Variants in NAV3 observed in about 807,000 individuals in gnomAD.
NAV3 encodes neuron navigator 3.
Under a neutral mutation model 244.7 loss-of-function variants are expected in NAV3, and 87 were observed. That is an observed-to-expected ratio of 0.36 (90% confidence interval 0.30 to 0.42). NAV3 has a LOEUF of 0.42. Ranked by LOEUF, NAV3 falls within the 20% of genes least tolerant of loss-of-function variation. The probability of loss-of-function intolerance (pLI) is 1.00; values close to 1 mark genes in which losing one functional copy is unlikely to be tolerated. For missense variants in NAV3, 2,663 were observed against 2,893.3 expected, an observed-to-expected ratio of 0.92 and a Z score of 1.83; for synonymous variants, 1,126 against 1,042.2, an observed-to-expected ratio of 1.08 and a Z score of -1.55.
At chr12:77,847,751 G>A (rs938584917) in intron 1 of NAV3, among the ~76,000 whole-genome samples, 1 of 152,166 alleles carries the variant, frequency 6.6e-6, no homozygotes, top group Non-Finnish European at 1.5e-5. Flanking sequence ...TTGCAAGAAA[G>A]TCTCTGATGT....
At chr12:77,636,016 T>A (rs148963974) in intron 2 of NAV3, among the ~76,000 whole-genome samples, 76 of 152,310 alleles carry the variant, frequency 5.0e-4, no homozygotes, top group African/African-American at 1.6e-3. Context: ...AGGAATGACT[T>A]AATTGCTTTA....
chr12:77,590,976 G>A (rs2136716916), intron 2 of NAV3, among the ~76,000 whole-genome samples: 1 of 152,318 alleles, frequency 6.6e-6, no homozygotes, highest in East Asian at 1.9e-4. Context: ...AGTACCTGCT[G>A]TGTAAGAATG....
At chr12:78,030,814 T>G (rs17222073) in intron 9 of NAV3, among the ~76,000 whole-genome samples, 30,255 of 152,142 alleles carry the variant, frequency 0.2, 3,197 homozygotes, top group Middle Eastern at 0.27. Flanking sequence ...AGATCAGACA[T>G]GCATATTGTA....
At chr12:77,894,881 A>T (rs1651410682) in intron 1 of NAV3, among the ~76,000 whole-genome samples, 1 of 152,226 alleles carries the variant, frequency 6.6e-6, no homozygotes, top group Non-Finnish European at 1.5e-5. Context: ...CAAGTTTAAA[A>T]AACTGGCTAA....
chr12:77,718,855 C>A (rs1429797396), intron 2 of NAV3, among the ~76,000 whole-genome samples: 1 of 151,928 alleles, frequency 6.6e-6, no homozygotes, highest in Non-Finnish European at 1.5e-5. Context: ...AGGGTTTCTG[C>A]ATGTTGGTCA....
At chr12:77,731,444 G>T (rs563748487) in intron 2 of NAV3, among the ~76,000 whole-genome samples, 1 of 151,882 alleles carries the variant, frequency 6.6e-6, no homozygotes, top group Non-Finnish European at 1.5e-5. Flanking sequence ...TTTATGATAC[G>T]ATATATAACC....
chr12:78,012,127 GA>G (rs1382717314), intron 8 of NAV3, among the ~76,000 whole-genome samples: 1 of 151,960 alleles, frequency 6.6e-6, no homozygotes, highest in Admixed American at 6.6e-5. Flanking sequence ...AAAAGAAATG[GA>G]AATAATTTAG....
intron 2 of NAV3, among the ~76,000 whole-genome samples, chr12:77,772,986 A>C (rs978869724): frequency 1.3e-5 from 2 of 152,210 alleles, no homozygotes; most frequent in African/African-American, 4.8e-5. Context: ...AAATCATCAT[A>C]GTGAAAAAGT....
At chr12:77,855,937 G>C (rs952861421) in intron 1 of NAV3, among the ~76,000 whole-genome samples, 1 of 152,128 alleles carries the variant, frequency 6.6e-6, no homozygotes, top group Non-Finnish European at 1.5e-5. Flanking sequence ...TTAAATTTTT[G>C]GTGGTGTATT....
chr12:77,690,158 C>A (rs998270699), intron 2 of NAV3, among the ~76,000 whole-genome samples: 9 of 151,792 alleles, frequency 5.9e-5, no homozygotes, highest in Non-Finnish European at 1.0e-4. Flanking sequence ...ATTTTCAGTT[C>A]ATGTTCTCAA....
chr12:78,152,778 A>AT (rs1190312396), intron 22 of NAV3, among the ~76,000 whole-genome samples: 2 of 151,988 alleles, frequency 1.3e-5, no homozygotes, highest in Admixed American at 6.6e-5. Context: ...ATAATCAAGG[A>AT]TTTTTTAAAT....
In NAV3 at chr12:77,607,017, A is replaced by G. The variant is rs189600298; in HGVS notation, c.72+34751A>G. Reference sequence around the variant, plus strand: ...AATAAATTCGAGGAAGCAATGAAAAACATTCACTATAATTAATGAATGGAA... The same window carrying G: ...AATAAATTCGAGGAAGCAATGAAAAGCATTCACTATAATTAATGAATGGAA... On this transcript the variant is annotated intron_variant, in intron 2 of 8. Coordinates refer to the NAV3 transcript ENST00000550042. Among the ~76,000 whole-genome samples the G allele has an allele frequency of 1.9e-3, 293 of 152,212 alleles. 2 individuals carry two copies. The highest frequency in any genetic ancestry group is 6.7e-3 in the African/African-American group (277 of 41,550).
At chr12:77,863,922 A>G (rs1044133392) in intron 1 of NAV3, among the ~76,000 whole-genome samples, 1 of 151,882 alleles carries the variant, frequency 6.6e-6, no homozygotes, top group Non-Finnish European at 1.5e-5. Flanking sequence ...TATTTGAGGG[A>G]GTCATACAGG....
chr12:78,026,451 G>T (rs1156810500), intron 9 of NAV3, among the ~76,000 whole-genome samples: 1 of 151,976 alleles, frequency 6.6e-6, no homozygotes, highest in Non-Finnish European at 1.5e-5. Flanking sequence ...GTTATTCATG[G>T]CTCCTTTTTA....
Position 77,761,281 on chromosome 12 carries a change from C to T in NAV3, c.73-179038C>T, listed in dbSNP as rs562906037. 1.2e-4 allele frequency among the ~76,000 whole-genome samples: 19 copies of T among 152,198 alleles called. No homozygotes were observed. In the East Asian group the frequency reaches 3.5e-3, roughly 28 times the overall value. ...TTCACCATGTTGGCCAGGCTGGTGG[C>T]CTCAAGTGTTCCACCCACTTCAGCC... On this transcript the variant is annotated intron_variant, in intron 2 of 8. Coordinates refer to the NAV3 transcript ENST00000550042.
intron 30 of NAV3, among the ~76,000 whole-genome samples, chr12:78,184,453 T>A (rs1958627823): frequency 6.6e-6 from 1 of 151,778 alleles, no homozygotes; most frequent in Non-Finnish European, 1.5e-5. Context: ...GATGTTAACT[T>A]GGGAAAATAA....
chr12:78,131,476 T>C (rs1956163277), intron 18 of NAV3, among the ~76,000 whole-genome samples: 1 of 152,142 alleles, frequency 6.6e-6, no homozygotes, highest in Non-Finnish European at 1.5e-5. Flanking sequence ...GTGTAGGTCA[T>C]AGGAATATGA....
intron 2 of NAV3, among the ~76,000 whole-genome samples, chr12:77,610,428 T>TAATAGAATAATA (rs1466373992): frequency 1.3e-5 from 2 of 152,208 alleles, no homozygotes; most frequent in Middle Eastern, 6.8e-3. Context: ...TGTTTGCTAA[T>TAATAGAATAATA]GGGCAAATAA....
At chr12:77,878,035 A>G (rs1629233) in intron 1 of NAV3, among the ~76,000 whole-genome samples, 21,008 of 151,970 alleles carry the variant, frequency 0.14, 1,578 homozygotes, top group East Asian at 0.22. Flanking sequence ...TATCTAACCA[A>G]TGCTCCCCAA....
Sources: allele counts gnomAD v4.1 joint callset (sites outside exome capture counted in the v4.1 genomes callset), GRCh38; gene constraint gnomAD v4.1.1; transcripts MANE v1.5; gene names NCBI Gene and HGNC (gene_info 2026-07-23, HGNC 2026-07-21).